TNRC6A: variants seen among roughly 807,000 people sequenced by gnomAD.
The protein encoded by TNRC6A is trinucleotide repeat-containing gene 6A protein.
A neutral mutation model predicts 221.2 loss-of-function variants in TNRC6A; 44 were observed. That is an observed-to-expected ratio of 0.20 (90% CI 0.16 to 0.26). The LOEUF (loss-of-function observed/expected upper bound fraction) is 0.26. Ranked by LOEUF, TNRC6A falls within the 10% of genes least tolerant of loss-of-function variation. The pLI, the probability that TNRC6A is intolerant of heterozygous loss-of-function variation, is 1.00. For missense variants in TNRC6A, 2,199 were observed against 2,404.4 expected, an observed-to-expected ratio of 0.91 and a Z score of 1.79; for synonymous variants, 847 against 838.5, an observed-to-expected ratio of 1.01 and a Z score of -0.18.
At chr16:24,762,427 C>T (rs2057383420) in intron 4 of TNRC6A, among the ~76,000 whole-genome samples, 1 of 152,142 alleles carries the variant, frequency 6.6e-6, no homozygotes, top group African/African-American at 2.4e-5. Flanking sequence ...TTCATTTAAT[C>T]AAGGAAAATA....
intron 2 of TNRC6A, among the ~76,000 whole-genome samples, chr16:24,740,491 G>A (rs899196952): frequency 1.3e-5 from 2 of 152,050 alleles, no homozygotes; most frequent in African/African-American, 4.8e-5. Flanking sequence ...AAGATGTTGT[G>A]TAGTTTTCAG....
Position 24,777,098 on chromosome 16 carries a change from AGCAGCAGCCACAGCCGCAGCC to A in TNRC6A, c.338_358del (p.Pro113_Gln119del), listed in dbSNP as rs979182058. The A allele has an allele frequency of 2.5e-6, 4 of 1,609,800 alleles. No individual in the cohort carries two copies. Among genetic ancestry groups the A allele is most frequent in the Middle Eastern group, 1.7e-4 (1 of 5,922 alleles). ...CAGCAGCCGCAGCAGCAGCAGCCAC[AGCAGCAGCCACAGCCGCAGCC>A]GCAGCAGCAGCAGCCACAGCAGCAG... is the stretch of plus-strand genomic sequence containing the variant. On this transcript the variant is annotated inframe_deletion, in exon 5 of 25. Transcript: ENST00000395799.
chr16:24,711,559 A>C (rs2056206341), intron 2 of TNRC6A, among the ~76,000 whole-genome samples: 1 of 151,982 alleles, frequency 6.6e-6, no homozygotes, highest in Non-Finnish European at 1.5e-5. Flanking sequence ...CATTTTCTAG[A>C]CTTTTGTATA....
At chr16:24,742,757 A>G (rs188515857) in intron 2 of TNRC6A, among the ~76,000 whole-genome samples, 1 of 152,240 alleles carries the variant, frequency 6.6e-6, no homozygotes, top group East Asian at 1.9e-4. Context: ...TCTTGTCTCT[A>G]CTAAAAATTT....
intron 17 of TNRC6A, 28 bp downstream of exon 17, chr16:24,806,812 G>A (rs763554152): frequency 1.9e-6 from 3 of 1,608,716 alleles, no homozygotes; most frequent in Non-Finnish European, 2.6e-6. Context: ...CCAAGTATTG[G>A]ACTGATGCTT....
At chr16:24,716,901 G>A (rs1300558349) in intron 2 of TNRC6A, among the ~76,000 whole-genome samples, 4 of 144,748 alleles carry the variant, frequency 2.8e-5, no homozygotes, top group African/African-American at 1.0e-4. Context: ...AGGTTGCGGT[G>A]AGCCAAGATC....
chr16:24,803,262 TAAA>T (rs1182464922), intron 11 of TNRC6A, among the ~76,000 whole-genome samples: 2 of 149,860 alleles, frequency 1.3e-5, no homozygotes, highest in Non-Finnish European at 3.0e-5. Flanking sequence ...CTACTGAAAA[TAAA>T]AAAATTAGCT....
chr16:24,799,189 T>C (rs1003660252), intron 11 of TNRC6A, among the ~76,000 whole-genome samples: 2 of 152,146 alleles, frequency 1.3e-5, no homozygotes, highest in South Asian at 4.2e-4. Flanking sequence ...GCACCTTCTA[T>C]TTACAAAATG....
Position 24,823,893 on chromosome 16 carries a change from C to T in TNRC6A, c.*86C>T, listed in dbSNP as rs1051658542. 1.1e-4 allele frequency: 147 copies of T among 1,321,870 alleles called. No homozygotes were observed. Among genetic ancestry groups the T allele is most frequent in the East Asian group, 1.7e-4 (6 of 36,206 alleles). The allele number at this position is 1,321,870 out of a possible 1,614,324, so 81.9% of individuals were successfully genotyped here. A position where few individuals can be genotyped will look rare whatever the true frequency, so the allele number is the denominator to read the frequency against. On this transcript the variant is annotated 3_prime_UTR_variant, in exon 25 of 25. Coordinates refer to ENST00000395799, the MANE Select transcript of TNRC6A (RefSeq NM_014494.4). This position sits in a 1 kb window ranked among gnomAD's most constrained non-coding sequence, Gnocchi z 4.3. ...GGGCTCGCCGCCTGCAGCCAGGGGC[C>T]GCCTGTGGGAACAGCTATTCTCTGC...
intron 2 of TNRC6A, among the ~76,000 whole-genome samples, chr16:24,711,402 G>T (rs1181887813): frequency 6.6e-6 from 1 of 152,130 alleles, no homozygotes; most frequent in African/African-American, 2.4e-5. Context: ...GCTGTGAAAT[G>T]ATCGTCACAA....
rs568689586 is a variant in TNRC6A at position 24,671,035 on chromosome 16, C to T, written n.402+30026C>T. 7.9e-5 allele frequency: 30 copies of T among 381,326 alleles called. No individual in the cohort carries two copies. In the East Asian group the frequency reaches 8.0e-4, roughly 10 times the overall value. 23.6% of individuals were successfully genotyped at this position (381,326 alleles called of 1,614,324 possible). A position where few individuals can be genotyped will look rare whatever the true frequency, so the allele number is the denominator to read the frequency against. Reference sequence around the variant, plus strand: ...CTCATCTTCCTCGCCAGCCAATCTCCTTTCCCCAGCAACCCTCCGACAGCA... The same window carrying T: ...CTCATCTTCCTCGCCAGCCAATCTCTTTTCCCCAGCAACCCTCCGACAGCA... On this transcript the variant is annotated intron_variant and non_coding_transcript_variant, in intron 2 of 2. Coordinates refer to the TNRC6A transcript ENST00000566108.
At chr16:24,739,517 C>T (rs1029654029) in intron 2 of TNRC6A, among the ~76,000 whole-genome samples, 179 of 124,016 alleles carry the variant, frequency 1.4e-3, no homozygotes, top group Middle Eastern at 7.7e-3. Flanking sequence ...CTTGCTCTGT[C>T]GCCCAGGCTG....
intron 2 of TNRC6A, among the ~76,000 whole-genome samples, chr16:24,731,394 A>C (rs1242824319): frequency 6.6e-6 from 1 of 152,206 alleles, no homozygotes; most frequent in Non-Finnish European, 1.5e-5. Flanking sequence ...TAAGATACTA[A>C]TCTGTTCAGG....
chr16:24,653,278 G>T (rs1902768601), intron 2 of TNRC6A, among the ~76,000 whole-genome samples: 1 of 152,140 alleles, frequency 6.6e-6, no homozygotes, highest in Non-Finnish European at 1.5e-5. Context: ...GATGAGACCT[G>T]AGATGACAAA....
chr16:24,661,414 T>C (rs1490852084), intron 2 of TNRC6A: 1 of 151,948 alleles, frequency 6.6e-6, no homozygotes, highest in Non-Finnish European at 1.5e-5. Context: ...ATTGCTTTGT[T>C]TTGTTTTGTT....
chr16:24,744,303 A>G (rs2056955551), intron 2 of TNRC6A, among the ~76,000 whole-genome samples: 1 of 152,084 alleles, frequency 6.6e-6, no homozygotes. Flanking sequence ...CATCACTGCA[A>G]AGTTAGTATT....
In TNRC6A at chr16:24,789,618, G is replaced by A. The variant is rs2058052827; in HGVS notation, c.976G>A (p.Val326Ile). 3.7e-6 allele frequency: 6 copies of A among 1,614,160 alleles called. 1 individual carries two copies. The South Asian group carries it at 6.6e-5, about 18-fold the overall frequency. ...SHGAIISTCQ[V>I]SVDAPESKSE... ...TGGAGCCATAATAAGCACATGTCAG[G>A]TCTCTGTGGATGCTCCTGAAAGCAA... The change falls in exon 6 of 25, where the codon GTC becomes ATC. Residue 326 changes from valine to isoleucine, a missense_variant. By Grantham distance (29) the Val-to-Ile change is conservative. Coordinates refer to ENST00000395799, the MANE Select transcript of TNRC6A (RefSeq NM_014494.4).
Position 24,793,622 on chromosome 16 carries a change from G to C in TNRC6A, c.3325G>C (p.Val1109Leu), listed in dbSNP as rs1293367728. Residue 1109 changes from valine to leucine, a missense_variant, in exon 7 of 25, where the codon GTT becomes CTT. Val to Leu is a conservative substitution (Grantham distance 32). This residue lies in a region of TNRC6A where 1,405 missense variants were observed against 1,400.2 expected (regional missense o/e 1.00). Transcript: ENST00000395799. ...CACATCCACGTGGGGCTCCAGCTCT[G>C]TTGGTCCACAAGCATTAAGCAAATC... ...SSTSTWGSSS[V>L]GPQALSKSGP... 3 of 1,537,928 alleles carry C rather than the reference G, an allele frequency of 2.0e-6. No individual in the cohort carries two copies. The Admixed American group carries it at 5.8e-5, about 30-fold the overall frequency.
intron 2 of TNRC6A, among the ~76,000 whole-genome samples, chr16:24,693,521 G>A (rs776385107): frequency 4.6e-5 from 7 of 152,160 alleles, no homozygotes; most frequent in African/African-American, 1.4e-4. Context: ...CCGGGAGGCA[G>A]AGGTTGCAGT....
Sources: allele counts gnomAD v4.1 joint callset (sites outside exome capture counted in the v4.1 genomes callset), GRCh38; gene constraint gnomAD v4.1.1; regional missense constraint gnomAD v4.1.1; non-coding constraint Gnocchi (gnomAD v3.1); transcripts MANE v1.5; gene names NCBI Gene and HGNC (gene_info 2026-07-23, HGNC 2026-07-21).